Variants in DPP6 observed in about 807,000 individuals in gnomAD.
The protein encoded by DPP6 is A-type potassium channel modulatory protein DPP6.
DPP6 carries 69 observed loss-of-function variants against 122.6 expected under a neutral mutation model. That is an observed-to-expected ratio of 0.56 (90% confidence interval 0.46 to 0.69). The LOEUF (loss-of-function observed/expected upper bound fraction) is 0.69. DPP6 is among the 30% of genes least tolerant of loss of function. DPP6 has a pLI of 0.00. For synonymous variants in DPP6, 418 were observed against 433.1 expected (o/e 0.97, Z 0.43); for missense variants, 928 against 1,116.9 (o/e 0.83, Z 2.41).
In DPP6 at chr7:154,892,670, G is replaced by A; in HGVS notation, c.*190G>A. 8.4e-7 allele frequency: 1 copy of A among 1,187,500 alleles called. No homozygotes were observed. The highest frequency in any genetic ancestry group is 1.2e-6 in the Non-Finnish European group (1 of 821,288). The allele number at this position is 1,187,500 out of a possible 1,614,324, so 73.6% of individuals were successfully genotyped here. A position where few individuals can be genotyped will look rare whatever the true frequency, so the allele number is the denominator to read the frequency against. ...CTCCTTCCCCGGGGTCATCACTCAC[G>A]GCCTCCATGGCACCAGGGACAACGC... On this transcript the variant is annotated 3_prime_UTR_variant, in exon 26 of 26. Coordinates refer to ENST00000377770, the MANE Select transcript of DPP6 (RefSeq NM_130797.4).
intron 1 of DPP6, among the ~76,000 whole-genome samples, chr7:154,234,493 G>A (rs573885690): frequency 1.1e-4 from 16 of 152,182 alleles, no homozygotes; most frequent in South Asian, 8.3e-4. Context: ...CATTTTCTCC[G>A]TAGACTTTGC....
At chr7:154,186,280 C>CATGTCATGT (rs1271046877) in intron 1 of DPP6, among the ~76,000 whole-genome samples, 12 of 152,346 alleles carry the variant, frequency 7.9e-5, no homozygotes, top group Non-Finnish European at 1.8e-4. Context: ...ATACTTGGGT[C>CATGTCATGT]TGGCTCTGGA....
intron 16 of DPP6, among the ~76,000 whole-genome samples, chr7:154,816,354 T>C (rs1799425273): frequency 6.6e-6 from 1 of 152,240 alleles, no homozygotes; most frequent in Non-Finnish European, 1.5e-5. Context: ...TTATTAGTTA[T>C]TGTTCTCTTA....
At chr7:154,449,964 G>A (rs1212220052) in intron 2 of DPP6, among the ~76,000 whole-genome samples, 2 of 151,812 alleles carry the variant, frequency 1.3e-5, no homozygotes, top group East Asian at 1.9e-4. Flanking sequence ...AGTTGAGATC[G>A]TGCCATTGCA....
chr7:154,801,327 T>C (rs1798351551), intron 12 of DPP6, 28 bp from the exon 13 acceptor site: 1 of 1,559,464 alleles, frequency 6.4e-7, no homozygotes, highest in Non-Finnish European at 8.7e-7. Flanking sequence ...GTTTTAGTTG[T>C]GGTTTCATCC....
chr7:153,938,169 G>A (rs558055644), intron 1 of DPP6, among the ~76,000 whole-genome samples: 15 of 152,128 alleles, frequency 9.9e-5, no homozygotes, highest in Non-Finnish European at 1.9e-4. Context: ...TGAAAAGTGT[G>A]GCATTTTTAT....
At chr7:154,340,037 C>T (rs570537834) in intron 1 of DPP6, among the ~76,000 whole-genome samples, 1 of 152,162 alleles carries the variant, frequency 6.6e-6, no homozygotes, top group African/African-American at 2.4e-5. Flanking sequence ...TGCGCCACTG[C>T]ACTCCAGCCT....
intron 1 of DPP6, among the ~76,000 whole-genome samples, chr7:153,980,188 G>T (rs774923307): frequency 6.6e-6 from 1 of 152,042 alleles, no homozygotes; most frequent in Non-Finnish European, 1.5e-5. Flanking sequence ...CTTTTTTTTG[G>T]TTGGTAGGCT....
intron 1 of DPP6, among the ~76,000 whole-genome samples, chr7:154,062,287 C>T (rs184375590): frequency 0.14 from 9,780 of 72,096 alleles, 2,236 homozygotes; most frequent in East Asian, 0.25. Flanking sequence ...AGAGCCAGTC[C>T]CTCTTCCCCC....
chr7:154,033,297 A>G (rs1240167281), intron 1 of DPP6, among the ~76,000 whole-genome samples: 2 of 152,206 alleles, frequency 1.3e-5, no homozygotes, highest in Admixed American at 6.5e-5. Context: ...CAGAATGCAC[A>G]CATATCTGTG....
chr7:154,173,325 G>C (rs954241106), intron 1 of DPP6, among the ~76,000 whole-genome samples: 3 of 152,160 alleles, frequency 2.0e-5, no homozygotes, highest in African/African-American at 7.2e-5. Flanking sequence ...CTATGGACAG[G>C]GTTTTTATTC....
intron 1 of DPP6, among the ~76,000 whole-genome samples, chr7:154,444,995 G>A (rs907599630): frequency 1.6e-4 from 24 of 152,180 alleles, no homozygotes; most frequent in Non-Finnish European, 2.9e-4. Flanking sequence ...TTCCTACTAA[G>A]CCTATAATGG....
chr7:154,190,571 C>T (rs936008239), intron 1 of DPP6, among the ~76,000 whole-genome samples: 1 of 152,084 alleles, frequency 6.6e-6, no homozygotes, highest in African/African-American at 2.4e-5. Context: ...CAAATATGTT[C>T]AGGAACTCAG....
At chr7:154,434,429 C>T (rs1022014593) in intron 1 of DPP6, among the ~76,000 whole-genome samples, 4 of 152,082 alleles carry the variant, frequency 2.6e-5, no homozygotes, top group Non-Finnish European at 5.9e-5. Flanking sequence ...CTGCTGGACT[C>T]TTCAGCCGCC....
chr7:153,781,882 T>C, the DPP6 span, among the ~76,000 whole-genome samples: 2 of 151,650 alleles, frequency 1.3e-5, no homozygotes, highest in Admixed American at 1.3e-4. Context: ...TGTTACTGTT[T>C]TAAATCAAGT....
intron 1 of DPP6, among the ~76,000 whole-genome samples, chr7:154,224,391 G>A (rs1458885500): frequency 4.7e-5 from 7 of 148,814 alleles, no homozygotes; most frequent in African/African-American, 1.8e-4. Flanking sequence ...CTGATTTTGG[G>A]TTGTTAGGAA....
chr7:154,666,202 CACAT>C (rs762595095), intron 6 of DPP6, among the ~76,000 whole-genome samples: 4 of 128,590 alleles, frequency 3.1e-5, no homozygotes, highest in African/African-American at 1.2e-4. Flanking sequence ...TATATATATA[CACAT>C]ATACATACAT....
At chr7:154,774,048 T>A (rs1046540508) in intron 10 of DPP6, among the ~76,000 whole-genome samples, 1 of 152,176 alleles carries the variant, frequency 6.6e-6, no homozygotes, top group Non-Finnish European at 1.5e-5. Context: ...CCCAAGTGGA[T>A]GGATGAAGCC....
chr7:154,468,435 C>T (rs1821978389), intron 2 of DPP6, among the ~76,000 whole-genome samples: 1 of 152,118 alleles, frequency 6.6e-6, no homozygotes, highest in African/African-American at 2.4e-5. Context: ...GTGTTGTAGA[C>T]TTTAAATGGC....
Sources: allele counts gnomAD v4.1 joint callset (sites outside exome capture counted in the v4.1 genomes callset), GRCh38; gene constraint gnomAD v4.1.1; transcripts MANE v1.5; gene names NCBI Gene and HGNC (gene_info 2026-07-23, HGNC 2026-07-21).